Variants in ADAMTSL1 observed in about 807,000 individuals in gnomAD.
ADAMTSL1 encodes ADAMTS-like protein 1.
Under a neutral mutation model 201.8 loss-of-function variants are expected in ADAMTSL1, and 126 were observed. The observed-to-expected ratio is 0.62, with a 90% CI of 0.54 to 0.72. ADAMTSL1 has a LOEUF of 0.72. Among genes scored for constraint, ADAMTSL1 ranks in the 30% least tolerant of loss-of-function variants. The pLI is 0.00. For missense variants in ADAMTSL1, 2,679 were observed against 2,277.8 expected (o/e 1.18, Z -3.59); for synonymous variants, 1,121 against 903.4 (o/e 1.24, Z -4.32).
chr9:18,054,896 G>C (rs775318084), intron 1 of ADAMTSL1, among the ~76,000 whole-genome samples: 46 of 152,154 alleles, frequency 3.0e-4, no homozygotes, highest in Non-Finnish European at 4.7e-4. Flanking sequence ...CAATCTTTTT[G>C]TAGAAGTAGT....
intron 15 of ADAMTSL1, among the ~76,000 whole-genome samples, chr9:18,731,998 T>C (rs549060016): frequency 6.6e-6 from 1 of 152,278 alleles, no homozygotes; most frequent in African/African-American, 2.4e-5. Context: ...CTGGCCACGT[T>C]ACCTCTCTAA....
rs117429201 is a variant in ADAMTSL1 at position 18,740,868 on chromosome 9, G to A, written c.2007-12430G>A. On this transcript the variant is annotated intron_variant, in intron 15 of 28. Transcript: ENST00000380548. ...GCATTCTTATACCTCATTCTGCCTGGAATACCTTCTTTTTACTTCTGCCTT... is the reference window on the plus strand; with the variant it reads ...GCATTCTTATACCTCATTCTGCCTGAAATACCTTCTTTTTACTTCTGCCTT... Among the ~76,000 whole-genome samples, 870 of 152,156 alleles carry A rather than the reference G, an allele frequency of 5.7e-3. 20 individuals carry two copies. The East Asian group carries it at 0.085, about 15-fold the overall frequency.
chr9:18,193,527 C>A (rs550856922), intron 2 of ADAMTSL1, among the ~76,000 whole-genome samples: 3 of 152,224 alleles, frequency 2.0e-5, no homozygotes, highest in South Asian at 4.1e-4. Flanking sequence ...CCTCCCCACT[C>A]TTTTTCCTTT....
intron 2 of ADAMTSL1, among the ~76,000 whole-genome samples, chr9:18,418,268 G>A (rs912057551): frequency 7.2e-5 from 11 of 152,142 alleles, no homozygotes; most frequent in African/African-American, 1.2e-4. Context: ...ATCAAACTTA[G>A]TGCGAAAGAC....
At chr9:18,069,899 T>C (rs1438845099) in intron 1 of ADAMTSL1, among the ~76,000 whole-genome samples, 1 of 152,204 alleles carries the variant, frequency 6.6e-6, no homozygotes, top group Non-Finnish European at 1.5e-5. Context: ...ACATATATTA[T>C]GGGATTTGGT....
intron 5 of ADAMTSL1, among the ~76,000 whole-genome samples, chr9:18,627,649 T>C (rs1826475874): frequency 6.6e-6 from 1 of 152,226 alleles, no homozygotes; most frequent in Admixed American, 6.5e-5. Context: ...CAGATCTCTC[T>C]CTGACTCAAG....
intron 1 of ADAMTSL1, among the ~76,000 whole-genome samples, chr9:18,117,267 C>T (rs994962447): frequency 3.3e-5 from 5 of 152,140 alleles, no homozygotes; most frequent in Admixed American, 1.3e-4. Context: ...CTGTTGTCTG[C>T]CCCTCTTTCA....
intron 15 of ADAMTSL1, among the ~76,000 whole-genome samples, chr9:18,724,815 C>T (rs945183438): frequency 3.9e-5 from 6 of 152,188 alleles, no homozygotes; most frequent in African/African-American, 1.4e-4. Flanking sequence ...TCCTCCTTAT[C>T]CCTTCTCTCC....
intron 20 of ADAMTSL1, among the ~76,000 whole-genome samples, chr9:18,806,625 T>C (rs1823136452): frequency 6.6e-6 from 1 of 152,180 alleles, no homozygotes; most frequent in South Asian, 2.1e-4. Flanking sequence ...CCAAAGATAT[T>C]TTTCAAACAC....
chr9:18,385,362 T>G (rs150330731), intron 2 of ADAMTSL1, among the ~76,000 whole-genome samples: 1 of 152,266 alleles, frequency 6.6e-6, no homozygotes, highest in Non-Finnish European at 1.5e-5. Flanking sequence ...AGGGGTGGTG[T>G]TACTCATTCT....
intron 20 of ADAMTSL1, among the ~76,000 whole-genome samples, chr9:18,815,309 G>A (rs1016619254): frequency 1.3e-5 from 2 of 151,712 alleles, no homozygotes; most frequent in Non-Finnish European, 2.9e-5. Context: ...ATCAATCCAA[G>A]TGTCCATCAA....
chr9:17,912,892 C>A (rs562070774), intron 1 of ADAMTSL1, among the ~76,000 whole-genome samples: 18 of 152,060 alleles, frequency 1.2e-4, no homozygotes, highest in African/African-American at 4.3e-4. Context: ...CCAGTTTCAG[C>A]TTTCTACATA....
intron 22 of ADAMTSL1, among the ~76,000 whole-genome samples, chr9:18,827,041 A>G (rs1420671277): frequency 6.6e-6 from 1 of 151,982 alleles, no homozygotes; most frequent in Non-Finnish European, 1.5e-5. Flanking sequence ...ACCATCCACC[A>G]TCTGATTATT....
At chr9:18,391,830 T>TTC in intron 2 of ADAMTSL1, among the ~76,000 whole-genome samples, 1 of 143,538 alleles carries the variant, frequency 7.0e-6, no homozygotes. Flanking sequence ...CTTTCTTTTT[T>TTC]TTTTTTTTTT....
chr9:18,787,042 G>A lies in ADAMTSL1; in HGVS notation c.3678-8355G>A, dbSNP rs936137226. On this transcript the variant is annotated intron_variant, in intron 19 of 28. Transcript: ENST00000380548. The stretch of plus-strand genomic sequence containing the variant: ...CAGGGTCAATTTCAGAACCATAGTT[G>A]TGAATAATTCTCTATGTACAAGTCA... Among the ~76,000 whole-genome samples the A allele has an allele frequency of 2.6e-5, 4 of 152,180 alleles. No individual in the cohort carries two copies. In the East Asian group the frequency reaches 5.8e-4, roughly 22 times the overall value.
At chr9:18,152,692 C>G (rs1166716620) in intron 1 of ADAMTSL1, among the ~76,000 whole-genome samples, 1 of 151,702 alleles carries the variant, frequency 6.6e-6, no homozygotes, top group Non-Finnish European at 1.5e-5. Flanking sequence ...GACTGAGGGC[C>G]AGTGGGTGGA....
chr9:18,317,778 T>C (rs1834462700), intron 2 of ADAMTSL1, among the ~76,000 whole-genome samples: 1 of 152,156 alleles, frequency 6.6e-6, no homozygotes, highest in Non-Finnish European at 1.5e-5. Flanking sequence ...AATGTTTCCA[T>C]CAAAACAGTT....
At chr9:18,009,035 C>T (rs1175302178) in intron 1 of ADAMTSL1, among the ~76,000 whole-genome samples, 1 of 151,866 alleles carries the variant, frequency 6.6e-6, no homozygotes, top group African/African-American at 2.4e-5. Flanking sequence ...TTGCTGGTTA[C>T]TCTCCCCTGC....
At chr9:18,224,572 T>A (rs1382498297) in intron 2 of ADAMTSL1, among the ~76,000 whole-genome samples, 1 of 152,166 alleles carries the variant, frequency 6.6e-6, no homozygotes, top group Non-Finnish European at 1.5e-5. Flanking sequence ...ATACATCAAT[T>A]TCATCTCAAT....
Sources: gnomAD v4.1 joint callset for allele counts (sites outside exome capture counted in the v4.1 genomes callset) on GRCh38, gnomAD v4.1.1 for gene constraint, MANE v1.5 for transcripts, NCBI Gene and HGNC (gene_info 2026-07-23, HGNC 2026-07-21) for gene names.